Variants in ASB18 observed in about 807,000 individuals in gnomAD.
ASB18 encodes the protein ankyrin repeat and SOCS box protein 18.
In ASB18, 33 loss-of-function variants were observed where a neutral mutation model predicts 33.4. The observed-to-expected ratio is 0.99, with a 90% CI of 0.75 to 1.32. ASB18 has a LOEUF of 1.32. ASB18 is among the 40% of genes most tolerant of loss of function. The pLI is 0.00. For missense variants in ASB18, 694 were observed against 655.5 expected, an observed-to-expected ratio of 1.06 and a Z score of -0.64; for synonymous variants, 295 against 307.6, an observed-to-expected ratio of 0.96 and a Z score of 0.43.
rs1012564677 is a variant in ASB18 at position 236,214,525 on chromosome 2, A to C, written c.938T>G (p.Leu313Arg). The C allele has an allele frequency of 4.2e-6, 6 of 1,444,018 alleles. No homozygotes were observed. The highest frequency in any genetic ancestry group is 1.5e-5 in the African/African-American group (1 of 66,388). The allele number at this position is 1,444,018 out of a possible 1,614,324, so 89.5% of individuals were successfully genotyped here. The part of the protein sequence containing the change: ...HASHSLARLL[L>R]RHGADAGALD... The stretch of plus-strand genomic sequence containing the variant: ...CGCGCCCGCGTCGGCGCCGTGCCGC[A>C]GTAGGAGGCGCGCCAGGCTGTGGCT... The change falls in exon 4 of 6, where the codon CTG becomes CGG. Residue 313 changes from leucine to arginine, a missense_variant. Leu to Arg is a moderately radical substitution (Grantham distance 102). Transcript: ENST00000409749. The surrounding 1 kb of genome is among the most constrained non-coding windows in gnomAD (Gnocchi z 6.5).
chr2:236,248,431 A>G lies in ASB18; in HGVS notation c.206-7029T>C, dbSNP rs1244853721. 6.6e-6 allele frequency: 1 copy of G among 152,134 alleles called. No individual in the cohort carries two copies. Among genetic ancestry groups the G allele is most frequent in the Admixed American group, 6.5e-5 (1 of 15,274 alleles). The allele number at this position is 152,134 out of a possible 1,614,324, so 9.4% of individuals were successfully genotyped here. A position where few individuals can be genotyped will look rare whatever the true frequency, so the allele number is the denominator to read the frequency against. The stretch of plus-strand genomic sequence containing the variant: ...AACATAGTGAAACCCTGTCTCTACT[A>G]AAAATACAAAAATTAGCTGGGCAAG... On this transcript the variant is annotated intron_variant, in intron 1 of 5. Coordinates refer to ENST00000409749, the MANE Select transcript of ASB18 (RefSeq NM_212556.4). The surrounding 1 kb of genome is among the most constrained non-coding windows in gnomAD (Gnocchi z 4.9).
At position 236,241,519 on chromosome 2, in the gene ASB18, A is replaced by G. The variant is rs766010224; in HGVS notation, c.206-117T>C. The stretch of plus-strand genomic sequence containing the variant: ...TCTCACTGGCCCTGGCTGTCTCTCC[A>G]TTGAGATGCCGTCGATTTCAGAAGA... On this transcript the variant is annotated intron_variant, in intron 1 of 5. Transcript: ENST00000409749. This position sits in a 1 kb window ranked among gnomAD's most constrained non-coding sequence, Gnocchi z 4.2. 13 of 1,242,060 alleles carry G rather than the reference A, an allele frequency of 1.0e-5. No homozygotes were observed. In the South Asian group the frequency reaches 1.4e-4, roughly 13 times the overall value. 76.9% of individuals were successfully genotyped at this position (1,242,060 alleles called of 1,614,324 possible). A position where few individuals can be genotyped will look rare whatever the true frequency, so the allele number is the denominator to read the frequency against.
At chr2:236,232,771 G>C (rs1373384330) in intron 3 of ASB18, among the ~76,000 whole-genome samples, 1 of 151,980 alleles carries the variant, frequency 6.6e-6, no homozygotes, top group East Asian at 1.9e-4. Context: ...CCTATAGCTA[G>C]TAAAGAAATT....
At position 236,255,537 on chromosome 2, in the gene ASB18, G is replaced by T. The variant is rs548823955; in HGVS notation, c.205+8604C>A. Among the ~76,000 whole-genome samples, 28 of 152,340 alleles carry T rather than the reference G, an allele frequency of 1.8e-4. No homozygotes were observed. The South Asian group carries it at 5.6e-3, about 30-fold the overall frequency. On this transcript the variant is annotated intron_variant, in intron 1 of 5. Coordinates refer to ENST00000409749, the MANE Select transcript of ASB18 (RefSeq NM_212556.4). The surrounding 1 kb of genome is among the most constrained non-coding windows in gnomAD (Gnocchi z 4.4). Reference sequence around the variant, plus strand: ...GCACATTGCATGCCACAGGGATTTTGCTGGTAAAGCAGGAGAGGAGGGTGG... The same window carrying T: ...GCACATTGCATGCCACAGGGATTTTTCTGGTAAAGCAGGAGAGGAGGGTGG...
rs1260759187 is a variant in ASB18 at position 236,237,648 on chromosome 2, G to T, written c.596+41C>A. On this transcript the variant is annotated intron_variant, in intron 3 of 5. Coordinates refer to ENST00000409749, the MANE Select transcript of ASB18 (RefSeq NM_212556.4). The surrounding 1 kb of genome is among the most constrained non-coding windows in gnomAD (Gnocchi z 6.2). Reference sequence around the variant, plus strand: ...TGGGGGGAGGCGGGCGTCTGGTCTCGGGGCGGGGCGGACGCCGCGGGCCTG... The same window carrying T: ...TGGGGGGAGGCGGGCGTCTGGTCTCTGGGCGGGGCGGACGCCGCGGGCCTG... 2.9e-6 allele frequency: 4 copies of T among 1,356,744 alleles called. No individual in the cohort carries two copies. Among genetic ancestry groups the T allele is most frequent in the Non-Finnish European group, 3.8e-6 (4 of 1,061,162 alleles). The allele number at this position is 1,356,744 out of a possible 1,614,324, so 84.0% of individuals were successfully genotyped here.
rs1046838635 is a variant in ASB18 at position 236,208,331 on chromosome 2, G to A, written c.1101+6031C>T. On this transcript the variant is annotated intron_variant, in intron 4 of 5. Transcript: ENST00000409749. This position sits in a 1 kb window ranked among gnomAD's most constrained non-coding sequence, Gnocchi z 7.7. ...AGCCCCACTAACATGCCATTTCCTC[G>A]TGCACGGCAGTCTCTGATTTCAATC... 5.3e-5 allele frequency among the ~76,000 whole-genome samples: 8 copies of A among 152,062 alleles called. No homozygotes were observed. The highest frequency in any genetic ancestry group is 7.2e-5 in the African/African-American group (3 of 41,406).
chr2:236,241,268 G>T lies in ASB18; in HGVS notation c.328+12C>A. ...TAAAAATAAATGACTGAGCTTTAAA[G>T]AACAAGGGTACCTGATAGTCCAAAC... On this transcript the variant is annotated intron_variant, in intron 2 of 5. Coordinates refer to ENST00000409749, the MANE Select transcript of ASB18 (RefSeq NM_212556.4). The surrounding 1 kb of genome is among the most constrained non-coding windows in gnomAD (Gnocchi z 4.2). 1 of 1,613,460 alleles carries T rather than the reference G, an allele frequency of 6.2e-7. No individual in the cohort carries two copies. The highest frequency in any genetic ancestry group is 8.5e-7 in the Non-Finnish European group (1 of 1,179,506).
rs1477083156 is a variant in ASB18, at chr2:236,241,505, C to T, written c.206-103G>A. On this transcript the variant is annotated intron_variant, in intron 1 of 5. Coordinates refer to ENST00000409749, the MANE Select transcript of ASB18 (RefSeq NM_212556.4). The surrounding 1 kb of genome is among the most constrained non-coding windows in gnomAD (Gnocchi z 4.2). Reference sequence around the variant, plus strand: ...ATTTGAAGTTTTCCTCTCACTGGCCCTGGCTGTCTCTCCATTGAGATGCCG... The same window carrying T: ...ATTTGAAGTTTTCCTCTCACTGGCCTTGGCTGTCTCTCCATTGAGATGCCG... 1 of 1,382,626 alleles carries T rather than the reference C, an allele frequency of 7.2e-7. No individual in the cohort carries two copies. The highest frequency in any genetic ancestry group is 1.9e-5 in the Admixed American group (1 of 52,042). The allele number at this position is 1,382,626 out of a possible 1,614,324, so 85.6% of individuals were successfully genotyped here.
Position 236,214,826 on chromosome 2 carries a change from G to C in ASB18, c.637C>G (p.Arg213Gly). The change falls in exon 4 of 6, where the codon CGC (arginine) becomes GGC (glycine). Residue 213 changes from arginine (R) to glycine (G), a missense_variant. By Grantham distance (125) the Arg-to-Gly change is moderately radical. Transcript: ENST00000409749. This position sits in a 1 kb window ranked among gnomAD's most constrained non-coding sequence, Gnocchi z 6.5. ...GTGTCCCGGCCCGTGCCGCCCACGC[G>C]CTGCACCGAGGCCCCGTGCTCCAGC... ...ALLEHGASVQ[R>G]VGGTGRDTPL... 8.2e-7 allele frequency: 1 copy of C among 1,213,422 alleles called. No individual in the cohort carries two copies. The highest frequency in any genetic ancestry group is 3.4e-5 in the East Asian group (1 of 29,718). The allele number at this position is 1,213,422 out of a possible 1,614,324, so 75.2% of individuals were successfully genotyped here. A position where few individuals can be genotyped will look rare whatever the true frequency, so the allele number is the denominator to read the frequency against.
At position 236,228,556 on chromosome 2, in the gene ASB18, G is replaced by A. The variant is rs755428624; in HGVS notation, c.596+9133C>T. Among the ~76,000 whole-genome samples the A allele has an allele frequency of 2.0e-5, 3 of 152,202 alleles. No homozygotes were observed. Among genetic ancestry groups the A allele is most frequent in the South Asian group, 4.1e-4 (2 of 4,828 alleles). ...CCACCTGAAAGGAAGGATTAGAACC[G>A]ACTGAAATATGTCAAATATTTTGTG... On this transcript the variant is annotated intron_variant, in intron 3 of 5. Transcript: ENST00000409749. This position sits in a 1 kb window ranked among gnomAD's most constrained non-coding sequence, Gnocchi z 5.1.
rs2060500138 is a variant in ASB18 at position 236,219,062 on chromosome 2, G to A, written c.597-4196C>T. On this transcript the variant is annotated intron_variant, in intron 3 of 5. Transcript: ENST00000409749. This position sits in a 1 kb window ranked among gnomAD's most constrained non-coding sequence, Gnocchi z 6.4. ...TTTTTTTTTGTTTTATTTTTGTATT[G>A]ACAGGGTCTTGCTATGTTTCCCAGG... Among the ~76,000 whole-genome samples the A allele has an allele frequency of 6.6e-6, 1 of 151,462 alleles. No homozygotes were observed.
In ASB18 at chr2:236,260,309, C is replaced by T. The variant is rs767767468; in HGVS notation, c.205+3832G>A. Among the ~76,000 whole-genome samples the T allele has an allele frequency of 2.0e-5, 3 of 152,198 alleles. No homozygotes were observed. The highest frequency in any genetic ancestry group is 2.9e-5 in the Non-Finnish European group (2 of 68,042). On this transcript the variant is annotated intron_variant, in intron 1 of 5. Coordinates refer to ENST00000409749, the MANE Select transcript of ASB18 (RefSeq NM_212556.4). The surrounding 1 kb of genome is among the most constrained non-coding windows in gnomAD (Gnocchi z 5.1). ...GCTCAGGTGGGCATCACCAGCTCTG[C>T]CCCCTCTCTTGGCCCAGCCCTGTTT...
At chr2:236,242,979 C>T (rs1264423210) in intron 1 of ASB18, among the ~76,000 whole-genome samples, 7 of 135,640 alleles carry the variant, frequency 5.2e-5, no homozygotes, top group African/African-American at 1.1e-4. Flanking sequence ...CATGATTGTG[C>T]CACTGTACTC....
rs2060713071 is a variant in ASB18 at position 236,260,551 on chromosome 2, A to AGAACATTTGCTCCCACAGGAAAAAG, written c.205+3565_205+3589dup. ...CAAACTCGCCCTTACCTTGAGAAAG[A>AGAACATTTGCTCCCACAGGAAAAAG]GAACATTTGCTCCCACAGGAAAAAG... On this transcript the variant is annotated intron_variant, in intron 1 of 5. Coordinates refer to ENST00000409749, the MANE Select transcript of ASB18 (RefSeq NM_212556.4). The surrounding 1 kb of genome is among the most constrained non-coding windows in gnomAD (Gnocchi z 5.1). 6.6e-6 allele frequency among the ~76,000 whole-genome samples: 1 copy of AGAACATTTGCTCCCACAGGAAAAAG among 152,182 alleles called. No homozygotes were observed. The highest frequency in any genetic ancestry group is 1.5e-5 in the Non-Finnish European group (1 of 68,020).
In ASB18 at chr2:236,209,990, G is replaced by C. The variant is rs1346497711; in HGVS notation, c.1101+4372C>G. Among the ~76,000 whole-genome samples, 3 of 152,166 alleles carry C rather than the reference G, an allele frequency of 2.0e-5. No individual in the cohort carries two copies. Among genetic ancestry groups the C allele is most frequent in the African/African-American group, 7.2e-5 (3 of 41,422 alleles). On this transcript the variant is annotated intron_variant, in intron 4 of 5. Transcript: ENST00000409749. The surrounding 1 kb of genome is among the most constrained non-coding windows in gnomAD (Gnocchi z 4.4). ...ATCTCGGCTCACTCATCACACACTT[G>C]AGGGAGCCTTGGACCCTGCCCCCCA... is the stretch of plus-strand genomic sequence containing the variant.
At position 236,215,648 on chromosome 2, in the gene ASB18, C is replaced by T. The variant is rs910914495; in HGVS notation, c.597-782G>A. Among the ~76,000 whole-genome samples, 1 of 152,140 alleles carries T rather than the reference C, an allele frequency of 6.6e-6. No individual in the cohort carries two copies. Among genetic ancestry groups the T allele is most frequent in the African/African-American group, 2.4e-5 (1 of 41,422 alleles). On this transcript the variant is annotated intron_variant, in intron 3 of 5. Transcript: ENST00000409749. The surrounding 1 kb of genome is among the most constrained non-coding windows in gnomAD (Gnocchi z 7.2). ...GGCTTCCTCAGAGCCTCTCCCATCC[C>T]CTGGGGGCACTCTAAACAGCTCAGC... is the stretch of plus-strand genomic sequence containing the variant.
rs180968087 is a variant in ASB18, at chr2:236,230,562, T to A, written c.596+7127A>T. On this transcript the variant is annotated intron_variant, in intron 3 of 5. Coordinates refer to ENST00000409749, the MANE Select transcript of ASB18 (RefSeq NM_212556.4). ...CTTTTGTATAGAAGTAAAATGTATA[T>A]TACCAATAATAGCACAAAGGCCAGG... 3.5e-3 allele frequency among the ~76,000 whole-genome samples: 530 copies of A among 151,914 alleles called. 4 individuals carry two copies. The highest frequency in any genetic ancestry group is 0.012 in the African/African-American group (512 of 41,402).
chr2:236,232,957 C>G (rs780045604), intron 3 of ASB18, among the ~76,000 whole-genome samples: 1 of 152,036 alleles, frequency 6.6e-6, no homozygotes, highest in East Asian at 1.9e-4. Context: ...CAGCATTACT[C>G]TGATGCCAAA....
In ASB18 at chr2:236,252,057, G is replaced by A. The variant is rs1236658872; in HGVS notation, c.206-10655C>T. Among the ~76,000 whole-genome samples, 2 of 152,104 alleles carry A rather than the reference G, an allele frequency of 1.3e-5. No individual in the cohort carries two copies. The highest frequency in any genetic ancestry group is 1.5e-5 in the Non-Finnish European group (1 of 68,022). ...AGGCTGAGGCAGGTGAATCACCTGA[G>A]GTCAGGAGTTCCAGACCAGGCTGAC... On this transcript the variant is annotated intron_variant, in intron 1 of 5. Transcript: ENST00000409749. This position sits in a 1 kb window ranked among gnomAD's most constrained non-coding sequence, Gnocchi z 7.9.
Sources: gnomAD v4.1 joint callset for allele counts (sites outside exome capture counted in the v4.1 genomes callset) on GRCh38, gnomAD v4.1.1 for gene constraint, Gnocchi (gnomAD v3.1) non-coding constraint, MANE v1.5 for transcripts, NCBI Gene and HGNC (gene_info 2026-07-23, HGNC 2026-07-21) for gene names.